The following AKAP19 variants were observed in gnomAD, a reference collection of about 807,000 sequenced individuals.
AKAP19 encodes A-kinase anchoring protein 19.
the AKAP19 span, among the ~76,000 whole-genome samples, chr2:189,968,097 A>T: frequency 2.0e-5 from 3 of 152,234 alleles, no homozygotes; most frequent in East Asian, 5.8e-4. Context: ...AAACAGAATG[A>T]TCAAAAGTAC....
chr2:190,066,252 C>A, the AKAP19 span, among the ~76,000 whole-genome samples: 1 of 152,124 alleles, frequency 6.6e-6, no homozygotes, highest in Non-Finnish European at 1.5e-5. Flanking sequence ...TCTCTCATCT[C>A]TGTTACAAAT....
the AKAP19 span, among the ~76,000 whole-genome samples, chr2:190,195,949 T>C: frequency 6.7e-6 from 1 of 150,300 alleles, no homozygotes. Context: ...AGCTTTTTTT[T>C]TTTTTTTTTT....
chr2:190,117,243 T>C, the AKAP19 span, among the ~76,000 whole-genome samples: 3 of 152,182 alleles, frequency 2.0e-5, no homozygotes, highest in Admixed American at 2.0e-4. Context: ...ATAAAAGGCC[T>C]TGTGCAAGTA....
chr2:189,923,119 C>T, the AKAP19 span, among the ~76,000 whole-genome samples: 1 of 152,166 alleles, frequency 6.6e-6, no homozygotes, highest in South Asian at 2.1e-4. Flanking sequence ...CCACTGCACT[C>T]CAGCCTGGGC....
chr2:190,136,955 C>G, the AKAP19 span, among the ~76,000 whole-genome samples: 2 of 152,194 alleles, frequency 1.3e-5, no homozygotes, highest in African/African-American at 2.4e-5. Flanking sequence ...ATGGTAAAAG[C>G]TCCTTTGAGG....
chr2:190,169,814 T>C, the AKAP19 span, among the ~76,000 whole-genome samples: 3 of 152,166 alleles, frequency 2.0e-5, no homozygotes, highest in South Asian at 6.2e-4. Context: ...GTAGAACAAA[T>C]GGCTTTAAGT....
chr2:190,161,300 A>T, the AKAP19 span, among the ~76,000 whole-genome samples: 1 of 152,130 alleles, frequency 6.6e-6, no homozygotes, highest in Non-Finnish European at 1.5e-5. Context: ...TCAGTCCTAC[A>T]TGGATGGTCC....
the AKAP19 span, chr2:190,057,769 C>G: frequency 1.1e-6 from 1 of 923,476 alleles, no homozygotes; most frequent in Non-Finnish European, 1.7e-6. Context: ...TTAAAAGGCA[C>G]AGCATTAAGG....
the AKAP19 span, chr2:190,062,338 G>A: frequency 1.2e-6 from 2 of 1,613,188 alleles, no homozygotes; most frequent in Non-Finnish European, 1.7e-6. Flanking sequence ...AGTTCCCGGA[G>A]TGGAGGAGCT....
the AKAP19 span, among the ~76,000 whole-genome samples, chr2:190,092,017 CTT>C: frequency 2.6e-5 from 4 of 152,132 alleles, no homozygotes; most frequent in African/African-American, 4.8e-5. Context: ...TTTTAAATGA[CTT>C]ATCATTAAAC....
chr2:190,070,619 C>A, the AKAP19 span, among the ~76,000 whole-genome samples: 3 of 138,972 alleles, frequency 2.2e-5, no homozygotes, highest in Non-Finnish European at 4.7e-5. Context: ...CTCTCTCCCC[C>A]CCCCCTTTTT....
the AKAP19 span, among the ~76,000 whole-genome samples, chr2:189,916,079 A>G: frequency 6.6e-6 from 1 of 152,184 alleles, no homozygotes; most frequent in Non-Finnish European, 1.5e-5. Flanking sequence ...TTTGTTTTAC[A>G]TTTTTGAAGT....
At chr2:189,972,369 G>C in the AKAP19 span, among the ~76,000 whole-genome samples, 1 of 152,180 alleles carries the variant, frequency 6.6e-6, no homozygotes, top group African/African-American at 2.4e-5. Flanking sequence ...GTACCATGCT[G>C]TTTTGATTGC....
At chr2:190,032,331 G>C in the AKAP19 span, among the ~76,000 whole-genome samples, 1 of 152,118 alleles carries the variant, frequency 6.6e-6, no homozygotes, top group Non-Finnish European at 1.5e-5. Context: ...CAGGGAATTG[G>C]TAATTTGATA....
At chr2:190,066,907 C>T in the AKAP19 span, among the ~76,000 whole-genome samples, 1 of 152,042 alleles carries the variant, frequency 6.6e-6, no homozygotes, top group South Asian at 2.1e-4. Flanking sequence ...AACAGCGAGC[C>T]AGACAGACAC....
chr2:189,969,323 C>T, the AKAP19 span, among the ~76,000 whole-genome samples: 2 of 152,102 alleles, frequency 1.3e-5, no homozygotes, highest in African/African-American at 4.8e-5. Context: ...CAAGCTCTCA[C>T]CAGACGCTGA....
At chr2:190,083,517 G>A in the AKAP19 span, among the ~76,000 whole-genome samples, 3 of 144,346 alleles carry the variant, frequency 2.1e-5, no homozygotes, top group East Asian at 5.9e-4. Context: ...AGTTCCATTT[G>A]ACCTTTGTGA....
the AKAP19 span, among the ~76,000 whole-genome samples, chr2:189,989,201 A>C: frequency 1.3e-5 from 2 of 152,194 alleles, no homozygotes; most frequent in African/African-American, 4.8e-5. Context: ...GCATGAGAAC[A>C]TCTCAAGGAT....
chr2:189,949,635 T>G, the AKAP19 span, among the ~76,000 whole-genome samples: 1 of 145,380 alleles, frequency 6.9e-6, no homozygotes, highest in Non-Finnish European at 1.5e-5. Context: ...TTCTTTCTTT[T>G]TTTTTTTTTT....
Sources: allele counts gnomAD v4.1 joint callset (sites outside exome capture counted in the v4.1 genomes callset), GRCh38; gene constraint gnomAD v4.1.1; transcripts MANE v1.5; gene names NCBI Gene and HGNC (gene_info 2026-07-23, HGNC 2026-07-21).